Variants in SLC7A8 observed in about 807,000 individuals in gnomAD.
The protein encoded by SLC7A8 is large neutral amino acids transporter small subunit 2.
SLC7A8 carries 30 observed loss-of-function variants against 51.2 expected under a neutral mutation model. That is an observed-to-expected ratio of 0.59 (90% confidence interval 0.44 to 0.80). The LOEUF is 0.80. SLC7A8 is among the 30% of genes least tolerant of loss of function. SLC7A8 has a pLI of 0.00. For synonymous variants in SLC7A8, 257 were observed against 275.8 expected, an observed-to-expected ratio of 0.93 and a Z score of 0.67; for missense variants, 612 against 674.4, an observed-to-expected ratio of 0.91 and a Z score of 1.03.
chr14:23,135,108 G>A (rs2048676779), intron 7 of SLC7A8, among the ~76,000 whole-genome samples: 1 of 151,842 alleles, frequency 6.6e-6, no homozygotes, highest in Non-Finnish European at 1.5e-5. Flanking sequence ...TTTTTATTGA[G>A]ACAGAGTCTT....
At chr14:23,153,424 C>G (rs959183687) in intron 3 of SLC7A8, among the ~76,000 whole-genome samples, 2 of 152,146 alleles carry the variant, frequency 1.3e-5, no homozygotes, top group African/African-American at 4.8e-5. Context: ...TTCCCTTGGC[C>G]GCTCCCACAT....
chr14:23,164,319 C>T (rs995952819), intron 3 of SLC7A8, among the ~76,000 whole-genome samples: 1 of 152,204 alleles, frequency 6.6e-6, no homozygotes, highest in African/African-American at 2.4e-5. Context: ...GCCAAGAAGC[C>T]AGAGTAATCT....
intron 1 of SLC7A8, among the ~76,000 whole-genome samples, chr14:23,179,205 C>T (rs8006408): frequency 6.6e-6 from 1 of 152,196 alleles, no homozygotes; most frequent in Non-Finnish European, 1.5e-5. Flanking sequence ...CCACCATTCA[C>T]ATAACTTTGC....
Position 23,125,564 on chromosome 14 carries a change from C to G in SLC7A8, c.*1613G>C, listed in dbSNP as rs2048568146. ...GAAAAGAGGGAATAAGAAGATGGTCCCCTGACCCTCCAGGGGCCAACCCCA... is the reference window on the plus strand; with the variant it reads ...GAAAAGAGGGAATAAGAAGATGGTCGCCTGACCCTCCAGGGGCCAACCCCA... On this transcript the variant is annotated 3_prime_UTR_variant, in exon 11 of 11. Coordinates refer to ENST00000316902, the MANE Select transcript of SLC7A8 (RefSeq NM_012244.4). 6.6e-6 allele frequency: 1 copy of G among 152,420 alleles called. No homozygotes were observed. The highest frequency in any genetic ancestry group is 1.5e-5 in the Non-Finnish European group (1 of 68,016). 9.4% of individuals were successfully genotyped at this position (152,420 alleles called of 1,614,324 possible). A position where few individuals can be genotyped will look rare whatever the true frequency, so the allele number is the denominator to read the frequency against.
intron 3 of SLC7A8, among the ~76,000 whole-genome samples, chr14:23,147,259 A>T (rs1448199983): frequency 1.3e-5 from 2 of 152,050 alleles, no homozygotes; most frequent in African/African-American, 2.4e-5. Flanking sequence ...CCATCTACTC[A>T]TCCGTCATTC....
intron 3 of SLC7A8, chr14:23,154,501 T>G (rs1180743609): frequency 1.0e-6 from 1 of 982,604 alleles, no homozygotes; most frequent in Non-Finnish European, 1.2e-6. Context: ...CTCCCCCGCT[T>G]GTGGAAGGAA....
intron 3 of SLC7A8, among the ~76,000 whole-genome samples, chr14:23,157,753 C>T (rs2048901696): frequency 6.6e-6 from 1 of 152,198 alleles, no homozygotes; most frequent in East Asian, 1.9e-4. Flanking sequence ...GTCTTTCAGT[C>T]TCAATTTACA....
Position 23,183,378 on chromosome 14 carries a change from A to C in SLC7A8, c.-464T>G, listed in dbSNP as rs777212648. On this transcript the variant is annotated 5_prime_UTR_variant, in exon 1 of 11. Coordinates refer to ENST00000316902, the MANE Select transcript of SLC7A8 (RefSeq NM_012244.4). ...CCCCTTAGTTTTTTCTTTTATGATGAAGACAAAAGTAGTTTTCATTAACGG... is the reference window on the plus strand; with the variant it reads ...CCCCTTAGTTTTTTCTTTTATGATGCAGACAAAAGTAGTTTTCATTAACGG... 1.3e-5 allele frequency: 2 copies of C among 153,372 alleles called. No individual in the cohort carries two copies. The highest frequency in any genetic ancestry group is 4.8e-5 in the African/African-American group (2 of 41,462). The allele number at this position is 153,372 out of a possible 1,614,324, so 9.5% of individuals were successfully genotyped here. A position where few individuals can be genotyped will look rare whatever the true frequency, so the allele number is the denominator to read the frequency against.
intron 7 of SLC7A8, among the ~76,000 whole-genome samples, chr14:23,135,574 C>T (rs28387059): frequency 0.39 from 59,617 of 151,242 alleles, 12,117 homozygotes; most frequent in East Asian, 0.58. Context: ...TGGTGGCAGG[C>T]GCCTGTAGTC....
At position 23,166,571 on chromosome 14, in the gene SLC7A8, G is replaced by A. The variant is rs200045469; in HGVS notation, c.152-31C>T. ...TGAGGCACCAAGGGTAAGGAGGGGAGACAGTAGAGACAGGACGGTTGGCAG... is the reference window on the plus strand; with the variant it reads ...TGAGGCACCAAGGGTAAGGAGGGGAAACAGTAGAGACAGGACGGTTGGCAG... On this transcript the variant is annotated intron_variant, in intron 1 of 10. Coordinates refer to ENST00000316902, the MANE Select transcript of SLC7A8 (RefSeq NM_012244.4). 17 of 1,610,348 alleles carry A rather than the reference G, an allele frequency of 1.1e-5. No individual in the cohort carries two copies. In the East Asian group the frequency reaches 3.8e-4, roughly 36 times the overall value.
intron 1 of SLC7A8, among the ~76,000 whole-genome samples, chr14:23,176,722 A>G (rs1372416950): frequency 6.6e-6 from 1 of 152,116 alleles, no homozygotes; most frequent in Admixed American, 6.6e-5. Context: ...CGGGCAGATC[A>G]CTTGAGGTCA....
chr14:23,143,320 C>G, intron 3 of SLC7A8, 116 bp from the exon 4 acceptor site: 1 of 1,414,030 alleles, frequency 7.1e-7, no homozygotes, highest in Non-Finnish European at 9.6e-7. Context: ...GTAGGTGAGC[C>G]AGACATCCAG....
chr14:23,161,118 C>T (rs1485579323), intron 3 of SLC7A8, among the ~76,000 whole-genome samples: 1 of 152,092 alleles, frequency 6.6e-6, no homozygotes, highest in Non-Finnish European at 1.5e-5. Context: ...CTCTCCCTCT[C>T]CTCTCCCCGA....
chr14:23,162,273 C>T (rs771200224), intron 3 of SLC7A8, among the ~76,000 whole-genome samples: 2 of 152,114 alleles, frequency 1.3e-5, no homozygotes, highest in South Asian at 2.1e-4. Flanking sequence ...AGGGACACTG[C>T]AGCGGGACAG....
chr14:23,135,921 C>A (rs2048686492), intron 7 of SLC7A8, among the ~76,000 whole-genome samples: 1 of 152,082 alleles, frequency 6.6e-6, no homozygotes, highest in Admixed American at 6.5e-5. Flanking sequence ...CCCTTTTACT[C>A]TCCTAAGAGA....
intron 1 of SLC7A8, among the ~76,000 whole-genome samples, chr14:23,174,098 G>C (rs1417027471): frequency 1.3e-5 from 2 of 152,220 alleles, no homozygotes; most frequent in African/African-American, 2.4e-5. Flanking sequence ...GTTCCTCCCA[G>C]TCTATGGCAT....
intron 3 of SLC7A8, among the ~76,000 whole-genome samples, chr14:23,152,791 G>T (rs1056082790): frequency 6.6e-6 from 1 of 152,192 alleles, no homozygotes; most frequent in Non-Finnish European, 1.5e-5. Context: ...GGGTCATTTT[G>T]TGCCTCCCTC....
chr14:23,129,573 A>G, intron 9 of SLC7A8, 77 bp downstream of exon 9: 1 of 1,527,932 alleles, frequency 6.5e-7, no homozygotes, highest in South Asian at 1.2e-5. Flanking sequence ...AGCTAAGAAC[A>G]GAGGTGATTT....
chr14:23,129,566 T>C (rs2048611965), intron 9 of SLC7A8, 84 bp downstream of exon 9: 1 of 1,499,512 alleles, frequency 6.7e-7, no homozygotes, highest in Non-Finnish European at 9.1e-7. Flanking sequence ...GGTCAGCAGC[T>C]AAGAACAGAG....
Sources: allele counts gnomAD v4.1 joint callset (sites outside exome capture counted in the v4.1 genomes callset), GRCh38; gene constraint gnomAD v4.1.1; transcripts MANE v1.5; gene names NCBI Gene and HGNC (gene_info 2026-07-23, HGNC 2026-07-21).